C12orf76: variants seen among roughly 807,000 people sequenced by gnomAD.
The protein encoded by C12orf76 is uncharacterized protein C12orf76.
C12orf76 carries 6 observed loss-of-function variants against 6.8 expected under a neutral mutation model. That is an observed-to-expected ratio of 0.88 (90% CI 0.48 to 1.73). C12orf76 has a LOEUF of 1.73. C12orf76 is among the 40% of genes most tolerant of loss of function. The pLI is 0.01. For synonymous variants in C12orf76, 56 were observed against 43.7 expected, an observed-to-expected ratio of 1.28 and a Z score of -1.11; for missense variants, 99 against 98.2, an observed-to-expected ratio of 1.01 and a Z score of -0.03.
In C12orf76 at chr12:110,042,031, G is replaced by C. The variant is rs1234749150; in HGVS notation, c.*343C>G. On this transcript the variant is annotated 3_prime_UTR_variant, in exon 2 of 2. Transcript: ENST00000615315. Reference sequence around the variant, plus strand: ...TAACATTTTCAAGCATTAATGATGAGTTCTTTACAGTGTGGTTCTTACAGG... The same window carrying C: ...TAACATTTTCAAGCATTAATGATGACTTCTTTACAGTGTGGTTCTTACAGG... 1 of 303,062 alleles carries C rather than the reference G, an allele frequency of 3.3e-6. No homozygotes were observed. Among genetic ancestry groups the C allele is most frequent in the Non-Finnish European group, 6.3e-6 (1 of 158,962 alleles). 18.8% of individuals were successfully genotyped at this position (303,062 alleles called of 1,614,324 possible).
chr12:110,065,904 C>T, exon 2 of C12orf76: 1 of 1,614,118 alleles, frequency 6.2e-7, no homozygotes, highest in Non-Finnish European at 8.5e-7. Flanking sequence ...TTTTGTGCTT[C>T]CAGATCTTTG....
chr12:110,048,425 G>A lies in C12orf76; in HGVS notation c.71C>T (p.Pro24Leu). The A allele has an allele frequency of 6.6e-7, 1 of 1,513,592 alleles. No individual in the cohort carries two copies. 93.8% of individuals were successfully genotyped at this position (1,513,592 alleles called of 1,614,324 possible). Residue 24 changes from proline to leucine, a missense_variant, in exon 1 of 2, where the codon CCG becomes CTG. Transcript: ENST00000615315. ...CSLLVGEAEA[P>L]SPVDPLERSR... The stretch of plus-strand genomic sequence containing the variant: ...CCGCTCCAGCGGATCCACGGGGCTC[G>A]GGGCCTCTGCCTCCCCCACCAGGAG...
chr12:110,043,614 G>A (rs1359438238), intron 1 of C12orf76, among the ~76,000 whole-genome samples: 1 of 152,156 alleles, frequency 6.6e-6, no homozygotes. Context: ...AGCACTTTGG[G>A]AGGCCGAGGC....
upstream of C12orf76, chr12:110,051,336 A>G (rs1482753395): frequency 1.4e-6 from 1 of 691,074 alleles, no homozygotes; most frequent in East Asian, 2.7e-5. Flanking sequence ...TGCCTCATGA[A>G]TTGTGAGGAT....
chr12:110,071,967 A>G (rs758768624), upstream of C12orf76, among the ~76,000 whole-genome samples: 1 of 152,226 alleles, frequency 6.6e-6, no homozygotes, highest in Non-Finnish European at 1.5e-5. Context: ...GTACATATTC[A>G]AGGGAAATGA....
chr12:110,073,356 C>T, intron 1 of C12orf76: 2 of 494,356 alleles, frequency 4.0e-6, no homozygotes, highest in Admixed American at 2.2e-5. Flanking sequence ...CCTGAAGCTG[C>T]CCCCTGGGGC....
At chr12:110,068,244 AAGAAAGAAGAAGAAGAAGAAG>A (rs1892900897), upstream of C12orf76, among the ~76,000 whole-genome samples, 1 of 136,550 alleles carries the variant, frequency 7.3e-6, no homozygotes, top group East Asian at 2.1e-4. Context: ...GAAGAAGAAG[AAGAAAGAAGAAGAAGAAGAAG>A]AAGAAGAAGA....
upstream of C12orf76, among the ~76,000 whole-genome samples, chr12:110,068,259 GAAGAAGAAGAAGAA>G (rs1566080055): frequency 2.9e-4 from 25 of 86,284 alleles, no homozygotes; most frequent in Non-Finnish European, 3.8e-4. Context: ...AGAAGAAGAA[GAAGAAGAAGAAGAA>G]GAAGAAGAAG....
chr12:110,064,980 A>G (rs1410632591), intron 2 of C12orf76, among the ~76,000 whole-genome samples: 1 of 152,190 alleles, frequency 6.6e-6, no homozygotes, highest in East Asian at 1.9e-4. Context: ...TGAAAAAACC[A>G]TGCTTATCTT....
chr12:110,046,940 C>T (rs1213656817), intron 1 of C12orf76, among the ~76,000 whole-genome samples: 1 of 152,058 alleles, frequency 6.6e-6, no homozygotes, highest in Non-Finnish European at 1.5e-5. Flanking sequence ...AATCATTTAT[C>T]CAACATGTCG....
In C12orf76 at chr12:110,059,281, G is replaced by A. The variant is rs902754330; in HGVS notation, n.381-118C>T. On this transcript the variant is annotated intron_variant and non_coding_transcript_variant, in intron 2 of 4. Transcript: ENST00000309050. ...AATAGTTTTCTTGTGAATTCTTCGG[G>A]ATTCTCCATATATGGGATTGTGCCA... The A allele has an allele frequency of 7.3e-6, 9 of 1,237,960 alleles. No homozygotes were observed. The African/African-American group carries it at 1.4e-4, about 19-fold the overall frequency. 76.7% of individuals were successfully genotyped at this position (1,237,960 alleles called of 1,614,324 possible).
upstream of C12orf76, among the ~76,000 whole-genome samples, chr12:110,068,246 GAAA>G (rs1892901318): frequency 2.0e-5 from 2 of 99,178 alleles, no homozygotes; most frequent in Non-Finnish European, 4.0e-5. Flanking sequence ...AGAAGAAGAA[GAAA>G]GAAGAAGAAG....
intron 2 of C12orf76, chr12:110,065,819 C>G: frequency 6.2e-7 from 1 of 1,614,136 alleles, no homozygotes; most frequent in Non-Finnish European, 8.5e-7. Flanking sequence ...CAACTCTTCC[C>G]CTGTCCTGCC....
chr12:110,048,059 A>G (rs12309446), intron 1 of C12orf76, among the ~76,000 whole-genome samples: 43,461 of 151,776 alleles, frequency 0.29, 9,403 homozygotes, highest in African/African-American at 0.61. Flanking sequence ...AAATTAGCCA[A>G]GTGTGGTGGT....
upstream of C12orf76, among the ~76,000 whole-genome samples, chr12:110,071,147 T>A (rs1892956268): frequency 6.6e-6 from 1 of 152,230 alleles, no homozygotes; most frequent in African/African-American, 2.4e-5. Context: ...ATCCTAATGA[T>A]AGCATTATTA....
At chr12:110,063,183 G>C (rs986562568) in intron 2 of C12orf76, among the ~76,000 whole-genome samples, 1 of 147,178 alleles carries the variant, frequency 6.8e-6, no homozygotes, top group Admixed American at 6.7e-5. Flanking sequence ...CAAGTGATCC[G>C]CCCGCCTCAG....
intron 2 of C12orf76, chr12:110,059,290 T>A (rs1892729758): frequency 8.6e-7 from 1 of 1,164,558 alleles, no homozygotes; most frequent in Non-Finnish European, 1.2e-6. Context: ...GGATTCTCCA[T>A]ATATGGGATT....
chr12:110,058,718 T>C (rs772348651), intron 3 of C12orf76, among the ~76,000 whole-genome samples: 44 of 152,312 alleles, frequency 2.9e-4, no homozygotes, highest in Middle Eastern at 6.8e-3. Context: ...AGGCCATAGC[T>C]ATAGAATACA....
upstream of C12orf76, among the ~76,000 whole-genome samples, chr12:110,068,319 GAAGAA>G (rs1593252478): frequency 4.9e-5 from 7 of 142,160 alleles, no homozygotes; most frequent in South Asian, 2.2e-4. Flanking sequence ...AGAAGAAGAA[GAAGAA>G]GAAGAAGGCG....
Sources: gnomAD v4.1 joint callset for allele counts (sites outside exome capture counted in the v4.1 genomes callset) on GRCh38, gnomAD v4.1.1 for gene constraint, MANE v1.5 for transcripts, NCBI Gene and HGNC (gene_info 2026-07-23, HGNC 2026-07-21) for gene names.